The following CD44 variants were observed in gnomAD, a reference collection of about 807,000 sequenced individuals.
The protein encoded by CD44 is CD44 molecule (IN blood group).
Under a neutral mutation model 88.8 loss-of-function variants are expected in CD44, and 49 were observed. The observed-to-expected ratio is 0.55, with a 90% CI of 0.44 to 0.70. The LOEUF (loss-of-function observed/expected upper bound fraction) is 0.70, where lower values mean the gene tolerates loss of function less well. Among genes scored for constraint, CD44 ranks in the 30% least tolerant of loss-of-function variants. The pLI, the probability that CD44 is intolerant of heterozygous loss-of-function variation, is 0.00. For synonymous variants in CD44, 325 were observed against 312.3 expected (o/e 1.04, Z -0.43); for missense variants, 883 against 913.8 (o/e 0.97, Z 0.43).
At chr11:35,164,003 G>A (rs60759399) in intron 1 of CD44, among the ~76,000 whole-genome samples, 2,775 of 152,120 alleles carry the variant, frequency 0.018, 101 homozygotes, top group African/African-American at 0.064. Context: ...GGATTGAAAC[G>A]AGATAGTTCA....
chr11:35,182,841 T>A (rs1428239175), intron 3 of CD44, among the ~76,000 whole-genome samples: 1 of 152,202 alleles, frequency 6.6e-6, no homozygotes, highest in Non-Finnish European at 1.5e-5. Flanking sequence ...TGTAGTTGCA[T>A]ACCCACATTG....
At chr11:35,177,715 A>T (rs1369041057) in intron 2 of CD44, among the ~76,000 whole-genome samples, 2 of 152,234 alleles carry the variant, frequency 1.3e-5, no homozygotes, top group Non-Finnish European at 2.9e-5. Flanking sequence ...ATTATGAGTG[A>T]TGGCTGAGAC....
rs2295759 is a variant in CD44 at position 35,211,217 on chromosome 11, G to A, written c.1607-29G>A. 13 of 1,561,832 alleles carry A rather than the reference G, an allele frequency of 8.3e-6. No homozygotes were observed. The East Asian group carries it at 2.9e-4, about 35-fold the overall frequency. ...GGTGGGTGGTGATCTTACAAATACG[G>A]GTTCATCACTGATTCCACCTCCACA... On this transcript the variant is annotated intron_variant, in intron 13 of 17. Transcript: ENST00000428726.
intron 1 of CD44, 61 bp downstream of exon 1, chr11:35,139,431 C>T (rs1014222527): frequency 7.6e-6 from 11 of 1,450,972 alleles, no homozygotes; most frequent in African/African-American, 2.8e-5. Flanking sequence ...GCGGACCCGG[C>T]GGCAGCCCCT....
intron 6 of CD44, 149 bp downstream of exon 6, chr11:35,197,023 CTGTT>C (rs1383631746): frequency 7.0e-6 from 5 of 717,676 alleles, no homozygotes; most frequent in Non-Finnish European, 1.1e-5. Context: ...ACTCTGGTAT[CTGTT>C]TGTTTGCTTG....
chr11:35,206,258 G>T lies in CD44; in HGVS notation c.1414+15G>T. On this transcript the variant is annotated intron_variant, in intron 11 of 17. Transcript: ENST00000428726. ...AAGAAGGATGGGTAATAGCCTCTGA[G>T]ATTTTTATATATTATGTTTTTTGAA... 2 of 1,583,716 alleles carry T rather than the reference G, an allele frequency of 1.3e-6. No homozygotes were observed. Among genetic ancestry groups the T allele is most frequent in the East Asian group, 2.3e-5 (1 of 43,894 alleles).
intron 15 of CD44, among the ~76,000 whole-genome samples, chr11:35,216,488 ACT>A (rs773498908): frequency 6.6e-6 from 1 of 152,150 alleles, no homozygotes; most frequent in East Asian, 1.9e-4. Context: ...TTCCACAATA[ACT>A]CTCTATGGAG....
intron 1 of CD44, among the ~76,000 whole-genome samples, chr11:35,160,776 A>G (rs1445064306): frequency 6.6e-6 from 1 of 152,218 alleles, no homozygotes; most frequent in African/African-American, 2.4e-5. Context: ...CATTTATTGT[A>G]CACCATACTA....
Position 35,139,330 on chromosome 11 carries a change from C to T in CD44, c.27C>T (p.Ala9=), listed in dbSNP as rs1315459580. The T allele has an allele frequency of 6.4e-7, 1 of 1,562,234 alleles. No homozygotes were observed. The highest frequency in any genetic ancestry group is 2.4e-5 in the East Asian group (1 of 42,234). MDKFWWHA[A]WGLCLVPLSL... ...TGGACAAGTTTTGGTGGCACGCAGC[C>T]TGGGGACTCTGCCTCGTGCCGCTGA... Residue 9 remains alanine (A), a synonymous_variant, in exon 1 of 18, where the codon GCC becomes GCT. Coordinates refer to ENST00000428726, the MANE Select transcript of CD44 (RefSeq NM_000610.4).
At chr11:35,210,634 C>T (rs1948304135) in intron 13 of CD44, 1 of 152,744 alleles carries the variant, frequency 6.5e-6, no homozygotes, top group South Asian at 2.1e-4. Flanking sequence ...AGACTGTTTG[C>T]TATGATTTCA....
At chr11:35,147,704 T>G (rs1859446752) in intron 1 of CD44, among the ~76,000 whole-genome samples, 1 of 152,020 alleles carries the variant, frequency 6.6e-6, no homozygotes. Context: ...ATCGTGGAAC[T>G]AGGCAGCATC....
intron 16 of CD44, 138 bp downstream of exon 16, chr11:35,219,525 G>A (rs1313135486): frequency 4.5e-6 from 3 of 673,570 alleles, no homozygotes; most frequent in Non-Finnish European, 8.1e-6. Context: ...CTCTTTACAA[G>A]TTAAAGGATG....
chr11:35,224,503 C>T (rs138127420), intron 17 of CD44, among the ~76,000 whole-genome samples: 13 of 152,098 alleles, frequency 8.5e-5, no homozygotes, highest in Admixed American at 4.6e-4. Flanking sequence ...TTTGGGAGGC[C>T]GAGGCAGTGG....
intron 1 of CD44, among the ~76,000 whole-genome samples, chr11:35,167,154 T>C (rs1331534489): frequency 6.6e-6 from 1 of 152,200 alleles, no homozygotes; most frequent in African/African-American, 2.4e-5. Context: ...GTTGTGGCTT[T>C]TTTGAGAGCA....
At chr11:35,229,081 C>T (rs749781616) in intron 17 of CD44, 48 bp from the exon 18 acceptor site, 5 of 1,451,048 alleles carry the variant, frequency 3.4e-6, no homozygotes, top group Non-Finnish European at 3.8e-6. Flanking sequence ...GATCTGATGC[C>T]TGAGTCACTG....
chr11:35,181,999 TTATATATATG>T (rs1225478848), intron 3 of CD44, among the ~76,000 whole-genome samples: 6 of 109,656 alleles, frequency 5.5e-5, no homozygotes, highest in African/African-American at 2.2e-4. Context: ...AAATTTATAT[TTATATATATG>T]TATATATGTA....
chr11:35,151,033 G>A (rs1860220549), intron 1 of CD44, among the ~76,000 whole-genome samples: 1 of 152,212 alleles, frequency 6.6e-6, no homozygotes, highest in Admixed American at 6.5e-5. Flanking sequence ...AGTGTCAGAA[G>A]ACAGGAAAAA....
At position 35,196,661 on chromosome 11, in the gene CD44, TAA is replaced by T. The variant is rs1400846111; in HGVS notation, c.668-82_668-81del. On this transcript the variant is annotated intron_variant, in intron 5 of 17. Coordinates refer to ENST00000428726, the MANE Select transcript of CD44 (RefSeq NM_000610.4). ...AAATATAGATGATTCTCTTGAGTAG[TAA>T]AAGAGTACAAGCATATTCAATGCTA... is the stretch of plus-strand genomic sequence containing the variant. 10 of 1,395,680 alleles carry T rather than the reference TAA, an allele frequency of 7.2e-6. No individual in the cohort carries two copies. The East Asian group carries it at 1.6e-4, about 23-fold the overall frequency. The allele number at this position is 1,395,680 out of a possible 1,614,324, so 86.5% of individuals were successfully genotyped here.
intron 10 of CD44, chr11:35,205,895 C>A (rs1947791129): frequency 8.4e-7 from 1 of 1,197,220 alleles, no homozygotes; most frequent in Non-Finnish European, 1.0e-6. Context: ...TTTGTGTCCT[C>A]CAGTTCACAT....
Sources: allele counts gnomAD v4.1 joint callset (sites outside exome capture counted in the v4.1 genomes callset), GRCh38; gene constraint gnomAD v4.1.1; transcripts MANE v1.5; gene names NCBI Gene and HGNC (gene_info 2026-07-23, HGNC 2026-07-21).